Variants in CPEB3 observed in about 807,000 individuals in gnomAD.
CPEB3 encodes cytoplasmic polyadenylation element binding protein 3.
Under a neutral mutation model 67.2 loss-of-function variants are expected in CPEB3, and 20 were observed. The observed-to-expected ratio is 0.30, with a 90% CI of 0.21 to 0.43. The LOEUF is 0.43. Among genes scored for constraint, CPEB3 ranks in the 20% least tolerant of loss-of-function variants. CPEB3 has a pLI of 1.00. For missense variants in CPEB3, 746 were observed against 968.6 expected, an observed-to-expected ratio of 0.77 and a Z score of 3.05; for synonymous variants, 376 against 393.1, an observed-to-expected ratio of 0.96 and a Z score of 0.51.
chr10:92,127,323 A>C (rs1399860673), intron 6 of CPEB3, among the ~76,000 whole-genome samples: 1 of 152,110 alleles, frequency 6.6e-6, no homozygotes, highest in Non-Finnish European at 1.5e-5. Flanking sequence ...ATACAGAAAA[A>C]GAGGATACAG....
intron 6 of CPEB3, among the ~76,000 whole-genome samples, chr10:92,122,360 T>C (rs1845427406): frequency 6.6e-6 from 1 of 152,184 alleles, no homozygotes; most frequent in Non-Finnish European, 1.5e-5. Context: ...GCAGAGTTCA[T>C]TAGTTAGAGT....
At chr10:92,286,165 G>C (rs981435092) in intron 1 of CPEB3, among the ~76,000 whole-genome samples, 3 of 151,864 alleles carry the variant, frequency 2.0e-5, no homozygotes, top group African/African-American at 7.3e-5. Context: ...TCGATCTCCT[G>C]ACCTTGTGAT....
rs566592514 is a variant in CPEB3, at chr10:92,175,078, A to G, written c.1222+5885T>C. ...GAGATTCAGAAACTTGCTCAACTAGATGCCATCATTACACATGACTTCTCC... is the reference window on the plus strand; with the variant it reads ...GAGATTCAGAAACTTGCTCAACTAGGTGCCATCATTACACATGACTTCTCC... On this transcript the variant is annotated intron_variant, in intron 4 of 9. Coordinates refer to ENST00000265997, the MANE Select transcript of CPEB3 (RefSeq NM_014912.5). Among the ~76,000 whole-genome samples, 9 of 152,120 alleles carry G rather than the reference A, an allele frequency of 5.9e-5. No individual in the cohort carries two copies. In the South Asian group the frequency reaches 1.9e-3, roughly 32 times the overall value.
At chr10:92,118,148 C>A (rs565864851) in intron 6 of CPEB3, among the ~76,000 whole-genome samples, 81 of 152,108 alleles carry the variant, frequency 5.3e-4, no homozygotes, top group East Asian at 2.5e-3. Flanking sequence ...TGTTTTGTTT[C>A]AAGATGGAGT....
intron 1 of CPEB3, among the ~76,000 whole-genome samples, chr10:92,282,381 C>A (rs971595993): frequency 3.9e-5 from 6 of 152,186 alleles, no homozygotes; most frequent in African/African-American, 7.2e-5. Context: ...AACTAAGAAA[C>A]TAAAGTCAAA....
In CPEB3 at chr10:92,240,384, C is replaced by A. The variant is rs534033984; in HGVS notation, c.-11-23G>T. The A allele has an allele frequency of 2.6e-5, 37 of 1,436,434 alleles. No individual in the cohort carries two copies. The East Asian group carries it at 7.0e-4, about 27-fold the overall frequency. The allele number at this position is 1,436,434 out of a possible 1,614,324, so 89.0% of individuals were successfully genotyped here. ...CAGCTGAAACGGGAAAAAAGAGAGACGCGTTATTGTCAATGTGATCATGAA... is the reference window on the plus strand; with the variant it reads ...CAGCTGAAACGGGAAAAAAGAGAGAAGCGTTATTGTCAATGTGATCATGAA... On this transcript the variant is annotated intron_variant, in intron 1 of 9. Transcript: ENST00000265997.
At position 92,135,196 on chromosome 10, in the gene CPEB3, G is replaced by A. The variant is rs965795079; in HGVS notation, c.1453+7833C>T. Among the ~76,000 whole-genome samples the A allele has an allele frequency of 4.6e-5, 7 of 152,168 alleles. No homozygotes were observed. In the South Asian group the frequency reaches 6.2e-4, roughly 13 times the overall value. ...AATTAAACTAAAGAGCTTCTGCACA[G>A]CAAAAGAAACTACCATCAGAGTGAG... On this transcript the variant is annotated intron_variant, in intron 6 of 9. Transcript: ENST00000265997.
At chr10:92,216,204 G>C in intron 2 of CPEB3, 1 of 786,634 alleles carries the variant, frequency 1.3e-6, no homozygotes, top group Non-Finnish European at 2.0e-6. Context: ...TTGGGAGGCC[G>C]AGGAGCACGG....
intron 1 of CPEB3, among the ~76,000 whole-genome samples, chr10:92,274,077 T>G (rs1841866236): frequency 1.3e-5 from 2 of 152,346 alleles, no homozygotes; most frequent in Middle Eastern, 3.4e-3. Context: ...CGTCAGCTGA[T>G]TCAAATGTCA....
At chr10:92,065,600 ACT>A (rs1435821415) in intron 9 of CPEB3, among the ~76,000 whole-genome samples, 1 of 152,160 alleles carries the variant, frequency 6.6e-6, no homozygotes, top group Non-Finnish European at 1.5e-5. Flanking sequence ...ACCCCAGTTC[ACT>A]GTTTTTTTTA....
At chr10:92,071,597 C>T (rs867004486) in intron 9 of CPEB3, among the ~76,000 whole-genome samples, 7 of 151,738 alleles carry the variant, frequency 4.6e-5, no homozygotes, top group African/African-American at 7.3e-5. Context: ...TAGCTGGGCA[C>T]GGTGGCAGGC....
chr10:92,138,964 A>G (rs1846251845), intron 6 of CPEB3, among the ~76,000 whole-genome samples: 1 of 152,218 alleles, frequency 6.6e-6, no homozygotes, highest in African/African-American at 2.4e-5. Context: ...CCATTCATCA[A>G]CAGACGAATG....
intron 1 of CPEB3, among the ~76,000 whole-genome samples, chr10:92,289,732 A>ATATAT (rs1554944314): frequency 1.0e-3 from 76 of 75,750 alleles, no homozygotes; most frequent in Non-Finnish European, 1.5e-3. Flanking sequence ...AAAAAAAAAA[A>ATATAT]ATATATATAT....
At chr10:92,165,420 T>TTTC (rs1341656717) in intron 4 of CPEB3, among the ~76,000 whole-genome samples, 2 of 149,458 alleles carry the variant, frequency 1.3e-5, no homozygotes, top group Non-Finnish European at 3.0e-5. Context: ...TTTTTTTTTT[T>TTTC]TGGCTGGTGG....
chr10:92,133,805 A>T (rs1735375776), intron 6 of CPEB3, among the ~76,000 whole-genome samples: 2 of 152,322 alleles, frequency 1.3e-5, no homozygotes, highest in African/African-American at 4.8e-5. Context: ...CACATGAAAA[A>T]GCTTATCCAC....
chr10:92,109,277 C>G (rs1844615254), intron 7 of CPEB3, among the ~76,000 whole-genome samples: 1 of 148,632 alleles, frequency 6.7e-6, no homozygotes, highest in Non-Finnish European at 1.5e-5. Flanking sequence ...TTTTTTGAGA[C>G]AGTCTCACTC....
intron 2 of CPEB3, among the ~76,000 whole-genome samples, chr10:92,217,921 C>T (rs1850510371): frequency 6.6e-6 from 1 of 152,134 alleles, no homozygotes; most frequent in African/African-American, 2.4e-5. Flanking sequence ...AGTTCAAGAC[C>T]AGCCTGGCCA....
intron 4 of CPEB3, among the ~76,000 whole-genome samples, chr10:92,161,272 T>G (rs1847461641): frequency 6.6e-6 from 1 of 152,100 alleles, no homozygotes; most frequent in African/African-American, 2.4e-5. Flanking sequence ...CATTTTGTTT[T>G]GGTTTGGCTT....
chr10:92,135,515 A>G (rs926168018), intron 6 of CPEB3, among the ~76,000 whole-genome samples: 1 of 152,256 alleles, frequency 6.6e-6, no homozygotes, highest in East Asian at 1.9e-4. Flanking sequence ...GAAACAACAG[A>G]TGCTGGAGAG....
Sources: allele counts gnomAD v4.1 joint callset (sites outside exome capture counted in the v4.1 genomes callset), GRCh38; gene constraint gnomAD v4.1.1; transcripts MANE v1.5; gene names NCBI Gene and HGNC (gene_info 2026-07-23, HGNC 2026-07-21).